The following MARK4 variants were observed in gnomAD, a reference collection of about 807,000 sequenced individuals.
MARK4 encodes the protein microtubule affinity regulating kinase 4, also known as MAP/microtubule affinity-regulating kinase 4.
MARK4 carries 19 observed loss-of-function variants against 81.5 expected under a neutral mutation model. The observed-to-expected ratio is 0.23, with a 90% CI of 0.16 to 0.34. The LOEUF is 0.34. Ranked by LOEUF, MARK4 falls within the 10% of genes least tolerant of loss-of-function variation. MARK4 has a pLI of 1.00. For missense variants in MARK4, 772 were observed against 1,058.8 expected (o/e 0.73, Z 3.76); for synonymous variants, 436 against 439.0 (o/e 0.99, Z 0.08).
At chr19:45,279,615 G>T (rs1970645714) in intron 10 of MARK4, among the ~76,000 whole-genome samples, 1 of 152,192 alleles carries the variant, frequency 6.6e-6, no homozygotes, top group Non-Finnish European at 1.5e-5. Flanking sequence ...ACAAAAAGTT[G>T]AACCATATGA....
chr19:45,253,641 C>G (rs557012600), intron 1 of MARK4, among the ~76,000 whole-genome samples: 8 of 152,288 alleles, frequency 5.3e-5, no homozygotes, highest in Non-Finnish European at 8.8e-5. Flanking sequence ...TGCAGATTCA[C>G]TCCCAGCTTG....
At chr19:45,294,688 T>C (rs1281704027) in intron 14 of MARK4, among the ~76,000 whole-genome samples, 1 of 152,222 alleles carries the variant, frequency 6.6e-6, no homozygotes, top group Non-Finnish European at 1.5e-5. Context: ...CCTACAAGCC[T>C]TGGGAACCTG....
intron 9 of MARK4, 147 bp downstream of exon 9, chr19:45,278,189 A>G (rs1970626296): frequency 1.7e-6 from 2 of 1,196,672 alleles, no homozygotes; most frequent in African/African-American, 1.5e-5. Context: ...GGGGGTAGAC[A>G]GGCCGTCCAG....
intron 13 of MARK4, among the ~76,000 whole-genome samples, chr19:45,290,075 G>T (rs981489590): frequency 6.6e-6 from 1 of 152,244 alleles, no homozygotes; most frequent in Non-Finnish European, 1.5e-5. Flanking sequence ...ACTCCAGCCT[G>T]GGAGTCTCCA....
At position 45,304,952 on chromosome 19, in the gene MARK4, G is replaced by C. The variant is rs1426249153; in HGVS notation, c.*2242G>C. 1 of 152,416 alleles carries C rather than the reference G, an allele frequency of 6.6e-6. No individual in the cohort carries two copies. Among genetic ancestry groups the C allele is most frequent in the Admixed American group, 6.5e-5 (1 of 15,272 alleles). 9.4% of individuals were successfully genotyped at this position (152,416 alleles called of 1,614,324 possible). ...GTAGGGCCTTGAAGGTTATGGACAG[G>C]GGCCTGGGCTTTCTTCCAAGGGCAC... On this transcript the variant is annotated 3_prime_UTR_variant, in exon 17 of 17. Coordinates refer to ENST00000262891, the MANE Select transcript of MARK4 (RefSeq NM_001199867.2).
intron 7 of MARK4, 119 bp downstream of exon 7, chr19:45,266,400 CCTG>C: frequency 1.1e-6 from 1 of 910,606 alleles, no homozygotes; most frequent in Non-Finnish European, 1.8e-6. Flanking sequence ...CTTTTCTCCT[CCTG>C]CTCTTCCCTC....
chr19:45,251,751 C>T, intron 1 of MARK4, 112 bp downstream of exon 1: 2 of 1,023,836 alleles, frequency 2.0e-6, no homozygotes, highest in Non-Finnish European at 1.4e-6. Flanking sequence ...TGGGCCCGAC[C>T]CGGCTCGTCA....
intron 14 of MARK4, among the ~76,000 whole-genome samples, chr19:45,297,379 G>C (rs1970900202): frequency 1.3e-5 from 2 of 152,184 alleles, no homozygotes; most frequent in Non-Finnish European, 2.9e-5. Flanking sequence ...AAATGTCTGT[G>C]CATCTATTCA....
At chr19:45,266,781 G>A (rs899895297) in intron 7 of MARK4, among the ~76,000 whole-genome samples, 11 of 145,770 alleles carry the variant, frequency 7.5e-5, no homozygotes, top group Non-Finnish European at 1.2e-4. Flanking sequence ...CGCCCTGGCT[G>A]GAGTGAAGTG....
chr19:45,297,937 C>T lies in MARK4; in HGVS notation c.1860C>T (p.Thr620=), dbSNP rs1188664500. The change falls in exon 15 of 17, where the codon ACC becomes ACT. Residue 620 remains threonine (T), a synonymous_variant. Transcript: ENST00000262891. The part of the protein sequence containing the change: ...RPTTNLFTKL[T]SKLTRRVADE... ...CCACCAACCTCTTCACCAAGCTGAC[C>T]TCCAAACTGACCCGAAGGTGAGCTC... 6.4e-7 allele frequency: 1 copy of T among 1,550,922 alleles called. No homozygotes were observed. Among genetic ancestry groups the T allele is most frequent in the South Asian group, 1.2e-5 (1 of 84,058 alleles).
intron 7 of MARK4, 149 bp downstream of exon 7, chr19:45,266,430 T>G: frequency 1.4e-6 from 1 of 738,882 alleles, no homozygotes. Flanking sequence ...CAGCACCCCC[T>G]TGACCCTTTC....
intron 4 of MARK4, among the ~76,000 whole-genome samples, chr19:45,264,110 T>C (rs1970417590): frequency 6.6e-6 from 1 of 152,082 alleles, no homozygotes. Context: ...AATTATTGAT[T>C]GAGTGGCCGC....
chr19:45,270,004 T>C (rs1970504617), intron 7 of MARK4, among the ~76,000 whole-genome samples: 2 of 152,088 alleles, frequency 1.3e-5, no homozygotes, highest in African/African-American at 4.8e-5. Context: ...ATTTTTGTAT[T>C]TTCAGTAGAG....
At chr19:45,284,456 G>A (rs1476613095) in intron 12 of MARK4, among the ~76,000 whole-genome samples, 1 of 151,854 alleles carries the variant, frequency 6.6e-6, no homozygotes, top group Non-Finnish European at 1.5e-5. Flanking sequence ...CCGAGTAGCT[G>A]GGACTATAGG....
intron 4 of MARK4, among the ~76,000 whole-genome samples, chr19:45,264,109 TTGAG>T (rs1179845656): frequency 1.1e-4 from 16 of 152,204 alleles, no homozygotes; most frequent in Admixed American, 8.5e-4. Context: ...TAATTATTGA[TTGAG>T]TGGCCGCTAT....
chr19:45,252,168 C>T (rs1207842438), intron 1 of MARK4, among the ~76,000 whole-genome samples: 1 of 152,068 alleles, frequency 6.6e-6, no homozygotes, highest in African/African-American at 2.4e-5. Flanking sequence ...AGGACGCACC[C>T]AGGGCGCCTG....
intron 15 of MARK4, 127 bp downstream of exon 15, chr19:45,298,081 C>CCTA (rs2123110432): frequency 1.5e-6 from 2 of 1,377,778 alleles, no homozygotes; most frequent in Non-Finnish European, 2.0e-6. Context: ...CTCCTCGTTT[C>CCTA]CTCCTCCTCC....
In MARK4 at chr19:45,271,771, C is replaced by T. The variant is rs1387335333; in HGVS notation, c.786+63C>T. 40 of 1,450,430 alleles carry T rather than the reference C, an allele frequency of 2.8e-5. No homozygotes were observed. Among genetic ancestry groups the T allele is most frequent in the Non-Finnish European group, 3.7e-5 (39 of 1,055,138 alleles). The allele number at this position is 1,450,430 out of a possible 1,614,324, so 89.8% of individuals were successfully genotyped here. A position where few individuals can be genotyped will look rare whatever the true frequency, so the allele number is the denominator to read the frequency against. ...CCCCACAGTCAGGCCCCTATCCCCC[C>T]CACACCTCCCCTGCAGAGGGCCTCA... On this transcript the variant is annotated intron_variant, in intron 8 of 16. Transcript: ENST00000262891. This position sits in a 1 kb window ranked among gnomAD's most constrained non-coding sequence, Gnocchi z 4.1.
intron 14 of MARK4, among the ~76,000 whole-genome samples, chr19:45,296,938 T>A (rs1178878085): frequency 6.6e-6 from 1 of 151,396 alleles, no homozygotes; most frequent in East Asian, 1.9e-4. Flanking sequence ...TAGTCCCAGC[T>A]ACTCAGGAGG....
Sources: gnomAD v4.1 joint callset for allele counts (sites outside exome capture counted in the v4.1 genomes callset) on GRCh38, gnomAD v4.1.1 for gene constraint, Gnocchi (gnomAD v3.1) non-coding constraint, MANE v1.5 for transcripts, NCBI Gene and HGNC (gene_info 2026-07-23, HGNC 2026-07-21) for gene names.